OTX1: variants seen among roughly 807,000 people sequenced by gnomAD.
OTX1 encodes homeobox protein OTX1.
In OTX1, 7 loss-of-function variants were observed where a neutral mutation model predicts 26.7. That is an observed-to-expected ratio of 0.26 (90% CI 0.15 to 0.49). The LOEUF (loss-of-function observed/expected upper bound fraction) is 0.49, where lower values mean the gene tolerates loss of function less well. OTX1 is among the 20% of genes least tolerant of loss of function. The probability of loss-of-function intolerance (pLI) is 0.98; values close to 1 mark genes in which losing one functional copy is unlikely to be tolerated. For missense variants in OTX1, 414 were observed against 483.8 expected (o/e 0.86, Z 1.35); for synonymous variants, 216 against 212.8 (o/e 1.01, Z -0.13).
Position 63,056,154 on chromosome 2 carries a change from C to T in OTX1, c.903C>T (p.His301=). ...ACCACCACCATCACCACCACCACCA[C>T]CAAGGCTACGGTGGCTCTGGGCTTG... The part of the protein sequence containing the change: ...GHHHHHHHHH[H]QGYGGSGLAF... Residue 301 remains histidine (H), a synonymous_variant, in exon 5 of 5, where the codon CAC becomes CAT. Transcript: ENST00000282549. 6.2e-7 allele frequency: 1 copy of T among 1,614,076 alleles called. No individual in the cohort carries two copies. Among genetic ancestry groups the T allele is most frequent in the Non-Finnish European group, 8.5e-7 (1 of 1,180,018 alleles).
intron 3 of OTX1, 196 bp downstream of exon 3, chr2:63,053,283 C>G: frequency 2.2e-6 from 1 of 454,762 alleles, no homozygotes; most frequent in Non-Finnish European, 3.8e-6. Flanking sequence ...GTGGCCAGGG[C>G]TGAGAAAACG....
At chr2:63,052,685 A>G (rs1481586066) in intron 2 of OTX1, among the ~76,000 whole-genome samples, 195 bp from the exon 3 acceptor site, 10 of 152,174 alleles carry the variant, frequency 6.6e-5, no homozygotes, top group Non-Finnish European at 1.2e-4. Flanking sequence ...TCTTTGGCTC[A>G]TTCCAACCCT....
In OTX1 at chr2:63,055,912, T is replaced by C; in HGVS notation, c.661T>C (p.Tyr221His). 1 of 1,612,774 alleles carries C rather than the reference T, an allele frequency of 6.2e-7. No homozygotes were observed. Among genetic ancestry groups the C allele is most frequent in the Non-Finnish European group, 8.5e-7 (1 of 1,180,008 alleles). Residue 221 changes from tyrosine (Y) to histidine (H), a missense_variant, in exon 5 of 5, where the codon TAT (tyrosine) becomes CAT (histidine). Tyr to His is a moderately conservative substitution (Grantham distance 83). This residue lies in a region of OTX1 where 320 missense variants were observed against 347.9 expected (regional missense o/e 0.92). Coordinates refer to ENST00000282549, the MANE Select transcript of OTX1 (RefSeq NM_014562.4). The surrounding 1 kb of genome is among the most constrained non-coding windows in gnomAD (Gnocchi z 5.2). ...AAGAATAAAS[Y>H]PMSYGQGGSY... ...AGGCGCCGCCACCGCAGCAGCCTCT[T>C]ATCCCATGTCCTACGGCCAGGGCGG...
In OTX1 at chr2:63,051,300, C is replaced by T; in HGVS notation, c.-129C>T. On this transcript the variant is annotated 5_prime_UTR_variant, in exon 2 of 5. Transcript: ENST00000282549. ...GAGATCCAGGTAGATGGTGAACGGC[C>T]CCGGCAGCTGAGGGCAGGTAAGGAG... 6.6e-6 allele frequency: 1 copy of T among 152,544 alleles called. No individual in the cohort carries two copies. 9.4% of individuals were successfully genotyped at this position (152,544 alleles called of 1,614,324 possible).
In OTX1 at chr2:63,056,124, CCACCACCACCACCAT is replaced by C. The variant is rs766501000; in HGVS notation, c.888_902del (p.His297_His301del). ...ACCACCCGTTGAGCCAGTCCTCAGGCCACCACCACCACCATCACCACCACCACCACCAAGGCTACG... is the reference window on the plus strand; with the variant it reads ...ACCACCCGTTGAGCCAGTCCTCAGGCCACCACCACCACCACCAAGGCTACG... On this transcript the variant is annotated inframe_deletion, in exon 5 of 5. Transcript: ENST00000282549. 8 of 1,613,510 alleles carry C rather than the reference CCACCACCACCACCAT, an allele frequency of 5.0e-6. No individual in the cohort carries two copies. The Admixed American group carries it at 5.0e-5, about 10-fold the overall frequency.
chr2:63,057,167 AT>A lies in OTX1; in HGVS notation c.*852del, dbSNP rs1373304245. 3 of 151,650 alleles carry A rather than the reference AT, an allele frequency of 2.0e-5. No individual in the cohort carries two copies. The allele number at this position is 151,650 out of a possible 1,614,324, so 9.4% of individuals were successfully genotyped here. ...TATATACATATATATATACACATAT[AT>A]AAAAAACAAAAGCAAAAAATATTTT... On this transcript the variant is annotated 3_prime_UTR_variant, in exon 5 of 5. Transcript: ENST00000282549.
Position 63,053,211 on chromosome 2 carries a change from A to C in OTX1, c.97+124A>C, listed in dbSNP as rs2062038496. On this transcript the variant is annotated intron_variant, in intron 3 of 4. Coordinates refer to ENST00000282549, the MANE Select transcript of OTX1 (RefSeq NM_014562.4). ...GGGAGCCGGCTGCAACACAGGGCCC[A>C]CTGTCTGTTTACAATACAGGGCCCA... The C allele has an allele frequency of 1.3e-5, 8 of 630,768 alleles. No homozygotes were observed. In the South Asian group the frequency reaches 1.6e-4, roughly 13 times the overall value. The allele number at this position is 630,768 out of a possible 1,614,324, so 39.1% of individuals were successfully genotyped here. A position where few individuals can be genotyped will look rare whatever the true frequency, so the allele number is the denominator to read the frequency against.
intron 4 of OTX1, among the ~76,000 whole-genome samples, chr2:63,054,956 G>A (rs535612015): frequency 3.0e-4 from 46 of 152,296 alleles, no homozygotes; most frequent in Non-Finnish European, 4.3e-4. Context: ...TACTACCTCT[G>A]TTTAGCCTCT....
In OTX1 at chr2:63,056,352, C is replaced by G; in HGVS notation, c.*36C>G. ...GAAAGAGGAGAAGAAACGCAACTAC[C>G]TGCGCCCTCCGTGGTCCCGATCCTG... On this transcript the variant is annotated 3_prime_UTR_variant, in exon 5 of 5. Coordinates refer to ENST00000282549, the MANE Select transcript of OTX1 (RefSeq NM_014562.4). 6.4e-7 allele frequency: 1 copy of G among 1,551,392 alleles called. No homozygotes were observed. Among genetic ancestry groups the G allele is most frequent in the Non-Finnish European group, 8.8e-7 (1 of 1,135,138 alleles).
chr2:63,057,355 G>A lies in OTX1; in HGVS notation c.*1039G>A, dbSNP rs1574630988. The A allele has an allele frequency of 1.3e-5, 2 of 152,246 alleles. No individual in the cohort carries two copies. Among genetic ancestry groups the A allele is most frequent in the Admixed American group, 6.6e-5 (1 of 15,262 alleles). The allele number at this position is 152,246 out of a possible 1,614,324, so 9.4% of individuals were successfully genotyped here. A position where few individuals can be genotyped will look rare whatever the true frequency, so the allele number is the denominator to read the frequency against. ...CTGGGCGCGGGATATCCGAAGTGTG[G>A]AGGAAACAGACAAGTCAGGGTACAG... On this transcript the variant is annotated 3_prime_UTR_variant, in exon 5 of 5. Coordinates refer to ENST00000282549, the MANE Select transcript of OTX1 (RefSeq NM_014562.4).
At chr2:63,050,281 C>T (rs941082120), upstream of OTX1, 4 of 152,152 alleles carry the variant, frequency 2.6e-5, no homozygotes, top group African/African-American at 7.2e-5. Context: ...ACGAGCAGCC[C>T]GCGGCGTCGG....
At chr2:63,050,094 G>A (rs2062011722), upstream of OTX1, 1 of 152,270 alleles carries the variant, frequency 6.6e-6, no homozygotes, top group South Asian at 2.1e-4. Context: ...AAGCGCTTAA[G>A]ACTTGCAAAC....
Position 63,056,133 on chromosome 2 carries a change from C to CCACCAT in OTX1, c.888_893dup (p.His300_His301dup), listed in dbSNP as rs775264440. 25 of 1,613,858 alleles carry CCACCAT rather than the reference C, an allele frequency of 1.5e-5. No homozygotes were observed. The East Asian group carries it at 2.5e-4, about 16-fold the overall frequency. On this transcript the variant is annotated inframe_insertion, in exon 5 of 5. Transcript: ENST00000282549. Reference sequence around the variant, plus strand: ...TGAGCCAGTCCTCAGGCCACCACCACCACCATCACCACCACCACCACCAAG... The same window carrying CCACCAT: ...TGAGCCAGTCCTCAGGCCACCACCACCACCATCACCATCACCACCACCACCACCAAG...
chr2:63,055,535 A>G lies in OTX1; in HGVS notation c.284A>G (p.Gln95Arg). The change falls in exon 5 of 5, where the codon CAG (glutamine) becomes CGG (arginine). Residue 95 changes from glutamine to arginine, a missense_variant. This residue lies in a region of OTX1 where 46 missense variants were observed against 94.3 expected (regional missense o/e 0.49). Coordinates refer to ENST00000282549, the MANE Select transcript of OTX1 (RefSeq NM_014562.4). This position sits in a 1 kb window ranked among gnomAD's most constrained non-coding sequence, Gnocchi z 5.2. ...WFKNRRAKCR[Q>R]QQQSGSGTKS... is the part of the protein sequence containing the mutation. ...AAGAACCGCCGCGCCAAATGCCGCC[A>G]GCAGCAGCAGAGCGGGAGCGGAACC... is the stretch of plus-strand genomic sequence containing the variant. The G allele has an allele frequency of 6.2e-7, 1 of 1,613,720 alleles. No homozygotes were observed. The highest frequency in any genetic ancestry group is 8.5e-7 in the Non-Finnish European group (1 of 1,179,724).
At chr2:63,050,374 C>T (rs2062015735), upstream of OTX1, among the ~76,000 whole-genome samples, 1 of 152,168 alleles carries the variant, frequency 6.6e-6, no homozygotes, top group South Asian at 2.1e-4. Context: ...CTCCAGCCCG[C>T]CGCCCCCGGG....
intron 4 of OTX1, among the ~76,000 whole-genome samples, chr2:63,054,881 G>T (rs909539120): frequency 6.6e-6 from 1 of 152,120 alleles, no homozygotes; most frequent in African/African-American, 2.4e-5. Flanking sequence ...ATTCCATTTG[G>T]TTCCCCACCT....
At chr2:63,052,187 G>T (rs1056865685) in intron 2 of OTX1, 1 of 152,346 alleles carries the variant, frequency 6.6e-6, no homozygotes, top group Non-Finnish European at 1.5e-5. Flanking sequence ...ACCTCAGGCC[G>T]CATCTTGGGG....
At position 63,051,187 on chromosome 2, in the gene OTX1, A is replaced by T. The variant is rs558581995; in HGVS notation, c.-180-62A>T. On this transcript the variant is annotated intron_variant, in intron 1 of 4. Coordinates refer to ENST00000282549, the MANE Select transcript of OTX1 (RefSeq NM_014562.4). ...GTGGGAAGAAGGAAGTTGGGAAAAG[A>T]AAGAAACCTGGGGGTCCTAGACCAG... 7 of 152,658 alleles carry T rather than the reference A, an allele frequency of 4.6e-5. No homozygotes were observed. In the South Asian group the frequency reaches 1.4e-3, roughly 32 times the overall value. The allele number at this position is 152,658 out of a possible 1,614,324, so 9.5% of individuals were successfully genotyped here.
chr2:63,054,341 C>T (rs1274921725), intron 4 of OTX1, 143 bp downstream of exon 4: 4 of 787,788 alleles, frequency 5.1e-6, no homozygotes, highest in African/African-American at 1.8e-5. Flanking sequence ...CGGACTCCCC[C>T]TAGCGCTGGG....
Sources: allele counts gnomAD v4.1 joint callset (sites outside exome capture counted in the v4.1 genomes callset), GRCh38; gene constraint gnomAD v4.1.1; regional missense constraint gnomAD v4.1.1; non-coding constraint Gnocchi (gnomAD v3.1); transcripts MANE v1.5; gene names NCBI Gene and HGNC (gene_info 2026-07-23, HGNC 2026-07-21).